Variants in PRR16 observed in about 807,000 individuals in gnomAD.
The protein encoded by PRR16 is proline rich 16.
A neutral mutation model predicts 18.2 loss-of-function variants in PRR16; 6 were observed. That is an observed-to-expected ratio of 0.33 (90% CI 0.18 to 0.65). The LOEUF is 0.65. PRR16 is among the 30% of genes least tolerant of loss of function. The pLI is 0.74. For synonymous variants in PRR16, 151 were observed against 147.8 expected (o/e 1.02, Z -0.16); for missense variants, 412 against 376.6 (o/e 1.09, Z -0.78).
chr5:120,693,943 C>T, the PRR16 span, among the ~76,000 whole-genome samples: 1 of 152,194 alleles, frequency 6.6e-6, no homozygotes, highest in African/African-American at 2.4e-5. Flanking sequence ...TACATGGTTT[C>T]ACACATTTTA....
the PRR16 span, among the ~76,000 whole-genome samples, chr5:120,778,581 G>T: frequency 4.3e-4 from 66 of 152,250 alleles, 1 homozygote; most frequent in South Asian, 0.013. Context: ...TAGCTTCAGG[G>T]ACCTTAATAA....
chr5:120,495,961 T>C (rs1355773848), intron 1 of PRR16, among the ~76,000 whole-genome samples: 3 of 152,104 alleles, frequency 2.0e-5, no homozygotes. Flanking sequence ...TTTTTGTAGA[T>C]GCTCTGTGTC....
At chr5:120,733,489 T>G in the PRR16 span, among the ~76,000 whole-genome samples, 2 of 152,140 alleles carry the variant, frequency 1.3e-5, no homozygotes, top group African/African-American at 4.8e-5. Context: ...ATATATTTGG[T>G]TTTTGACCCC....
rs199572006 is a variant in PRR16 at position 120,635,563 on chromosome 5, C to T, written c.160-50391C>T. The stretch of plus-strand genomic sequence containing the variant: ...TGTATTAAAAGCATGTGACAAAATC[C>T]AGCATCCCTTTATAATTAAAAATCT... On this transcript the variant is annotated intron_variant, in intron 1 of 1. Coordinates refer to ENST00000407149, the MANE Select transcript of PRR16 (RefSeq NM_001300783.2). Among the ~76,000 whole-genome samples the T allele has an allele frequency of 3.9e-5, 6 of 152,158 alleles. No homozygotes were observed. In the East Asian group the frequency reaches 1.2e-3, roughly 29 times the overall value.
the PRR16 span, among the ~76,000 whole-genome samples, chr5:120,758,651 A>ACT: frequency 3.3e-5 from 5 of 151,298 alleles, no homozygotes; most frequent in South Asian, 2.1e-4. Context: ...TTTCTCCTGC[A>ACT]CTCTCTCTCT....
At chr5:120,709,149 A>T in the PRR16 span, among the ~76,000 whole-genome samples, 1 of 150,876 alleles carries the variant, frequency 6.6e-6, no homozygotes, top group Admixed American at 6.6e-5. Flanking sequence ...CTGGGACTAC[A>T]GGCGCCCGTC....
At chr5:120,597,210 G>A (rs763215872) in intron 1 of PRR16, among the ~76,000 whole-genome samples, 2 of 151,306 alleles carry the variant, frequency 1.3e-5, no homozygotes, top group African/African-American at 2.4e-5. Flanking sequence ...ACTTTATAAG[G>A]TGTATGCTTT....
intron 1 of PRR16, among the ~76,000 whole-genome samples, chr5:120,551,297 C>A: frequency 6.6e-6 from 1 of 151,908 alleles, no homozygotes; most frequent in East Asian, 1.9e-4. Context: ...TTTCTCTTAG[C>A]ATAATATCTA....
chr5:120,597,099 T>C (rs546505483), intron 1 of PRR16, among the ~76,000 whole-genome samples: 1 of 151,800 alleles, frequency 6.6e-6, no homozygotes, highest in African/African-American at 2.4e-5. Flanking sequence ...TCATTTGCCA[T>C]TCAGTAATTT....
chr5:120,678,103 G>A (rs62377807), intron 1 of PRR16, among the ~76,000 whole-genome samples: 16,350 of 151,956 alleles, frequency 0.11, 1,156 homozygotes, highest in Non-Finnish European at 0.14. Context: ...TAGAGACGGC[G>A]TTTAGCCGTG....
intron 1 of PRR16, among the ~76,000 whole-genome samples, chr5:120,650,086 C>T (rs977530083): frequency 2.0e-5 from 3 of 151,632 alleles, no homozygotes; most frequent in Non-Finnish European, 4.4e-5. Flanking sequence ...GGTGTGGCAG[C>T]GCGCGTCTGT....
At chr5:120,578,155 A>G (rs1241495104) in intron 1 of PRR16, among the ~76,000 whole-genome samples, 3 of 152,194 alleles carry the variant, frequency 2.0e-5, no homozygotes, top group African/African-American at 4.8e-5. Flanking sequence ...GTTTTTCCCC[A>G]GTTAATATGC....
chr5:120,613,903 A>G (rs1169082747), intron 1 of PRR16, among the ~76,000 whole-genome samples: 2 of 152,178 alleles, frequency 1.3e-5, no homozygotes, highest in Non-Finnish European at 2.9e-5. Flanking sequence ...TTTGATTCTC[A>G]GAGGATGGTG....
Position 120,464,423 on chromosome 5 carries a change from A to C in PRR16, c.-64A>C. 3.4e-6 allele frequency: 5 copies of C among 1,486,456 alleles called. No individual in the cohort carries two copies. Among genetic ancestry groups the C allele is most frequent in the Non-Finnish European group, 4.5e-6 (5 of 1,115,418 alleles). 92.1% of individuals were successfully genotyped at this position (1,486,456 alleles called of 1,614,324 possible). A position where few individuals can be genotyped will look rare whatever the true frequency, so the allele number is the denominator to read the frequency against. ...GGCAGCGGCCGTAGCAGCGCCAGGGACGGGGGCACGCAGCAGCCTCCGCTC... is the reference window on the plus strand; with the variant it reads ...GGCAGCGGCCGTAGCAGCGCCAGGGCCGGGGGCACGCAGCAGCCTCCGCTC... On this transcript the variant is annotated 5_prime_UTR_variant, in exon 1 of 2. Coordinates refer to ENST00000407149, the MANE Select transcript of PRR16 (RefSeq NM_001300783.2).
intron 1 of PRR16, among the ~76,000 whole-genome samples, chr5:120,509,625 G>A (rs1750756452): frequency 6.6e-6 from 1 of 152,060 alleles, no homozygotes; most frequent in Non-Finnish European, 1.5e-5. Flanking sequence ...TTGAGAAGAG[G>A]AGCTATAAAT....
chr5:120,688,263 C>A (rs1266687493), downstream of PRR16, among the ~76,000 whole-genome samples: 3 of 151,952 alleles, frequency 2.0e-5, no homozygotes, highest in African/African-American at 7.3e-5. Flanking sequence ...TTTGAAGGAA[C>A]AATCAAATGA....
intron 1 of PRR16, among the ~76,000 whole-genome samples, chr5:120,541,742 C>T (rs563140255): frequency 6.6e-6 from 1 of 152,056 alleles, no homozygotes; most frequent in African/African-American, 2.4e-5. Flanking sequence ...AATTGTGGCT[C>T]TAGATATGGG....
rs1371341826 is a variant in PRR16, at chr5:120,662,163, G to T, written c.160-23791G>T. Among the ~76,000 whole-genome samples, 8 of 152,132 alleles carry T rather than the reference G, an allele frequency of 5.3e-5. No individual in the cohort carries two copies. In the East Asian group the frequency reaches 5.8e-4, roughly 11 times the overall value. On this transcript the variant is annotated intron_variant, in intron 1 of 1. Coordinates refer to ENST00000407149, the MANE Select transcript of PRR16 (RefSeq NM_001300783.2). ...TTGGCCTTTCAGATCTTTTATTAAG[G>T]TATATTTTTCAAGGTGACAGGATAG...
At chr5:120,467,643 G>T (rs1042083323) in intron 1 of PRR16, among the ~76,000 whole-genome samples, 5 of 152,034 alleles carry the variant, frequency 3.3e-5, no homozygotes, top group Non-Finnish European at 2.9e-5. Context: ...ACTCTAGTCT[G>T]CTCAGCAAGA....
Sources: gnomAD v4.1 joint callset for allele counts (sites outside exome capture counted in the v4.1 genomes callset) on GRCh38, gnomAD v4.1.1 for gene constraint, MANE v1.5 for transcripts, NCBI Gene and HGNC (gene_info 2026-07-23, HGNC 2026-07-21) for gene names.